The following SH2D4A variants were observed in gnomAD, a reference collection of about 807,000 sequenced individuals.
SH2D4A encodes SH2 domain-containing protein 4A.
Under a neutral mutation model 64.7 loss-of-function variants are expected in SH2D4A, and 70 were observed. That is an observed-to-expected ratio of 1.08 (90% CI 0.89 to 1.32). The LOEUF is 1.32. SH2D4A is among the 40% of genes most tolerant of loss of function. SH2D4A has a pLI of 0.00. For missense variants in SH2D4A, 706 were observed against 540.1 expected (o/e 1.31, Z -3.04); for synonymous variants, 268 against 200.7 (o/e 1.34, Z -2.83).
chr8:19,320,377 A>G (rs2052167556), intron 2 of SH2D4A, among the ~76,000 whole-genome samples: 1 of 152,140 alleles, frequency 6.6e-6, no homozygotes, highest in Admixed American at 6.6e-5. Flanking sequence ...CTGTCATTGC[A>G]GCACTTTGGG....
At chr8:19,338,608 C>T (rs75937547) in intron 4 of SH2D4A, among the ~76,000 whole-genome samples, 1,612 of 152,156 alleles carry the variant, frequency 0.011, 10 homozygotes, top group Admixed American at 0.016. Context: ...GAGGAAGAGA[C>T]CATACGTGAA....
intron 4 of SH2D4A, among the ~76,000 whole-genome samples, chr8:19,340,052 A>C (rs1207790413): frequency 6.6e-6 from 1 of 152,180 alleles, no homozygotes; most frequent in Admixed American, 6.5e-5. Context: ...CCCCAATTAC[A>C]TTAGCACTGG....
chr8:19,392,343 A>C (rs1015626453), intron 8 of SH2D4A, among the ~76,000 whole-genome samples: 2 of 152,170 alleles, frequency 1.3e-5, no homozygotes, highest in African/African-American at 2.4e-5. Context: ...TCACTAAATT[A>C]CTGAGCCTCC....
chr8:19,382,657 G>T (rs1341577725), intron 8 of SH2D4A, among the ~76,000 whole-genome samples: 1 of 151,960 alleles, frequency 6.6e-6, no homozygotes, highest in Non-Finnish European at 1.5e-5. Context: ...CTTATGCTGG[G>T]TTTATCAGGA....
In SH2D4A at chr8:19,395,032, C is replaced by G. The variant is rs901495883; in HGVS notation, c.*390C>G. The G allele has an allele frequency of 6.5e-6, 1 of 154,030 alleles. No individual in the cohort carries two copies. Among genetic ancestry groups the G allele is most frequent in the Non-Finnish European group, 1.4e-5 (1 of 69,388 alleles). 9.5% of individuals were successfully genotyped at this position (154,030 alleles called of 1,614,324 possible). A position where few individuals can be genotyped will look rare whatever the true frequency, so the allele number is the denominator to read the frequency against. The stretch of plus-strand genomic sequence containing the variant: ...TATCATCTCAGGAGGTTTCAGGGGC[C>G]TGTTGACATGAAGTTTCGAAGTTTC... On this transcript the variant is annotated 3_prime_UTR_variant, in exon 10 of 10. Coordinates refer to ENST00000265807, the MANE Select transcript of SH2D4A (RefSeq NM_022071.4).
chr8:19,336,770 G>T (rs2052452392), intron 4 of SH2D4A, among the ~76,000 whole-genome samples: 1 of 152,106 alleles, frequency 6.6e-6, no homozygotes, highest in African/African-American at 2.4e-5. Flanking sequence ...AGGAGGCTGA[G>T]GCAGGAGGAT....
chr8:19,341,109 G>T (rs192752879), intron 4 of SH2D4A, among the ~76,000 whole-genome samples: 3 of 152,096 alleles, frequency 2.0e-5, no homozygotes, highest in East Asian at 3.8e-4. Flanking sequence ...CACTCTCATC[G>T]TAACTATGAC....
intron 4 of SH2D4A, among the ~76,000 whole-genome samples, chr8:19,337,182 A>T (rs1466218912): frequency 6.6e-6 from 1 of 152,130 alleles, no homozygotes; most frequent in Admixed American, 6.5e-5. Context: ...GTCAGAGAAG[A>T]TGCTGTCAGG....
rs553424378 is a variant in SH2D4A, at chr8:19,391,793, T to A, written c.1049-1525T>A. Among the ~76,000 whole-genome samples the A allele has an allele frequency of 2.0e-5, 3 of 152,344 alleles. No individual in the cohort carries two copies. In the South Asian group the frequency reaches 6.2e-4, roughly 32 times the overall value. On this transcript the variant is annotated intron_variant, in intron 8 of 9. Coordinates refer to ENST00000265807, the MANE Select transcript of SH2D4A (RefSeq NM_022071.4). The stretch of plus-strand genomic sequence containing the variant: ...GGTTTTATTTTACTCTGGAGAGAGT[T>A]CACTTCTCAATTAGCTGTACTAACA...
rs567631081 is a variant in SH2D4A at position 19,346,067 on chromosome 8, G to A, written c.514-11136G>A. Among the ~76,000 whole-genome samples, 190 of 152,216 alleles carry A rather than the reference G, an allele frequency of 1.2e-3. 1 individual carries two copies. The highest frequency in any genetic ancestry group is 4.4e-3 in the African/African-American group (181 of 41,512). On this transcript the variant is annotated intron_variant, in intron 4 of 9. Transcript: ENST00000265807. ...GTTGGTTTAAAATTTTTATTATACC[G>A]AATAAATATCCAAAAGTAAGACTGC...
intron 4 of SH2D4A, among the ~76,000 whole-genome samples, chr8:19,343,447 T>C (rs1031903345): frequency 6.6e-6 from 1 of 151,940 alleles, no homozygotes. Flanking sequence ...AAACAAAAAC[T>C]GGGATTTTTT....
intron 4 of SH2D4A, among the ~76,000 whole-genome samples, chr8:19,344,693 C>T (rs2052584111): frequency 6.6e-6 from 1 of 152,104 alleles, no homozygotes; most frequent in Non-Finnish European, 1.5e-5. Flanking sequence ...GCTACCATAC[C>T]CCTGTAGGCT....
chr8:19,365,777 T>C (rs919704042), intron 7 of SH2D4A, among the ~76,000 whole-genome samples: 9 of 151,026 alleles, frequency 6.0e-5, no homozygotes, highest in African/African-American at 2.2e-4. Context: ...ATGGCAGAGG[T>C]CACCTCAGAG....
intron 7 of SH2D4A, among the ~76,000 whole-genome samples, chr8:19,369,715 A>G (rs1449081630): frequency 1.3e-5 from 2 of 151,722 alleles, no homozygotes; most frequent in Non-Finnish European, 3.0e-5. Context: ...TATTTGAGTC[A>G]TCTCTTTTTC....
intron 4 of SH2D4A, among the ~76,000 whole-genome samples, chr8:19,336,425 T>C (rs913926055): frequency 1.3e-5 from 2 of 152,120 alleles, no homozygotes; most frequent in African/African-American, 4.8e-5. Context: ...CACATCCTCA[T>C]TGAGGCCTCC....
rs1007154023 is a variant in SH2D4A, at chr8:19,314,149, C to T, written c.-205+326C>T. 5 of 1,066,790 alleles carry T rather than the reference C, an allele frequency of 4.7e-6. No individual in the cohort carries two copies. In the African/African-American group the frequency reaches 6.6e-5, roughly 14 times the overall value. The allele number at this position is 1,066,790 out of a possible 1,614,324, so 66.1% of individuals were successfully genotyped here. A position where few individuals can be genotyped will look rare whatever the true frequency, so the allele number is the denominator to read the frequency against. On this transcript the variant is annotated intron_variant, in intron 1 of 9. Coordinates refer to ENST00000265807, the MANE Select transcript of SH2D4A (RefSeq NM_022071.4). ...GGGGAACTTCGAGGGAGAGGGTCTG[C>T]CGGGGCTGAGGACCTTCGGGGAAGT...
intron 2 of SH2D4A, among the ~76,000 whole-genome samples, chr8:19,331,149 G>A (rs1041151587): frequency 3.9e-5 from 6 of 152,224 alleles, no homozygotes; most frequent in African/African-American, 1.4e-4. Context: ...GGTAGAAAGG[G>A]TCAAAAGAAA....
At chr8:19,313,847 G>GC in intron 1 of SH2D4A, 24 bp downstream of exon 1, 4 of 1,462,694 alleles carry the variant, frequency 2.7e-6, no homozygotes, top group Non-Finnish European at 2.7e-6. Context: ...GTGGGGCGAG[G>GC]CTTTGGGGAG....
At chr8:19,342,011 G>T (rs1389856739) in intron 4 of SH2D4A, among the ~76,000 whole-genome samples, 2 of 152,156 alleles carry the variant, frequency 1.3e-5, no homozygotes, top group Non-Finnish European at 2.9e-5. Context: ...TGTGTATTCA[G>T]CATTGTGGAA....
Sources: allele counts gnomAD v4.1 joint callset (sites outside exome capture counted in the v4.1 genomes callset), GRCh38; gene constraint gnomAD v4.1.1; transcripts MANE v1.5; gene names NCBI Gene and HGNC (gene_info 2026-07-23, HGNC 2026-07-21).